Variants in ABL2 observed in about 807,000 individuals in gnomAD.
ABL2 encodes the protein tyrosine-protein kinase ABL2.
A neutral mutation model predicts 107.7 loss-of-function variants in ABL2; 49 were observed. The ratio of observed to expected loss-of-function variants is 0.45; its 90% CI spans 0.36 to 0.58. ABL2 has a LOEUF of 0.58. Among genes scored for constraint, ABL2 ranks in the 20% least tolerant of loss-of-function variants. ABL2 has a pLI of 0.00. For synonymous variants in ABL2, 549 were observed against 548.6 expected (o/e 1.00, Z -0.01); for missense variants, 1,245 against 1,457.0 (o/e 0.85, Z 2.37).
chr1:179,117,142 C>A, intron 8 of ABL2, 190 bp downstream of exon 8: 1 of 643,602 alleles, frequency 1.6e-6, no homozygotes, highest in Non-Finnish European at 2.6e-6. Context: ...GCCTATACTT[C>A]TGTTTATGCA....
rs529003428 is a variant in ABL2 at position 179,100,941 on chromosome 1, A to G, written c.*6777T>C. On this transcript the variant is annotated 3_prime_UTR_variant, in exon 12 of 12. Transcript: ENST00000502732. ...TTCAAAGTTAGAGATGTACATGGGGATGAAGAAGTAAGTGCACTTGGAGGG... is the reference window on the plus strand; with the variant it reads ...TTCAAAGTTAGAGATGTACATGGGGGTGAAGAAGTAAGTGCACTTGGAGGG... 8.6e-6 allele frequency: 2 copies of G among 232,740 alleles called. No individual in the cohort carries two copies. The highest frequency in any genetic ancestry group is 1.7e-5 in the Non-Finnish European group (2 of 117,702). The allele number at this position is 232,740 out of a possible 1,614,324, so 14.4% of individuals were successfully genotyped here.
intron 1 of ABL2, among the ~76,000 whole-genome samples, chr1:179,177,235 A>G (rs28914484): frequency 1.1e-4 from 16 of 152,328 alleles, no homozygotes; most frequent in Admixed American, 7.2e-4. Flanking sequence ...CAAGCCAACA[A>G]ACACTGTCAA....
At chr1:179,123,061 C>T (rs1655376301) in intron 4 of ABL2, among the ~76,000 whole-genome samples, 1 of 152,170 alleles carries the variant, frequency 6.6e-6, no homozygotes, top group Non-Finnish European at 1.5e-5. Flanking sequence ...GACTTGGCCT[C>T]TTGTAGAAAT....
At chr1:179,128,217 A>G (rs1448239296) in intron 3 of ABL2, among the ~76,000 whole-genome samples, 1 of 152,148 alleles carries the variant, frequency 6.6e-6, no homozygotes, top group Non-Finnish European at 1.5e-5. Context: ...AAAAAACACA[A>G]GAGTATATGT....
intron 1 of ABL2, among the ~76,000 whole-genome samples, chr1:179,219,867 A>G (rs530935569): frequency 6.6e-6 from 1 of 152,372 alleles, no homozygotes; most frequent in African/African-American, 2.4e-5. Context: ...TTAGGTTTAC[A>G]AAACATTTTC....
chr1:179,147,180 G>GAAA (rs759304566), intron 1 of ABL2, among the ~76,000 whole-genome samples: 6 of 5,830 alleles, frequency 1.0e-3, no homozygotes, highest in African/African-American at 5.4e-3. Flanking sequence ...TCAGAGAAAT[G>GAAA]CAAAAAAAAA....
chr1:179,125,692 G>A (rs542608885), intron 4 of ABL2, among the ~76,000 whole-genome samples: 2 of 152,302 alleles, frequency 1.3e-5, no homozygotes, highest in East Asian at 3.9e-4. Flanking sequence ...TTACAGACAG[G>A]GAAATTGAGA....
At chr1:179,193,763 G>A (rs774338213) in intron 1 of ABL2, among the ~76,000 whole-genome samples, 54 of 147,718 alleles carry the variant, frequency 3.7e-4, no homozygotes, top group Non-Finnish European at 4.8e-4. Flanking sequence ...ACGGAGTCTC[G>A]CTCTGTCGCC....
chr1:179,126,759 T>C lies in ABL2; in HGVS notation c.392-87A>G. ...AGTGTACTGTCAAACTTTAAACTCA[T>C]TAAAAAAAAAAAAGAATCTAGAACT... On this transcript the variant is annotated intron_variant, in intron 3 of 11. Transcript: ENST00000502732. The surrounding 1 kb of genome is among the most constrained non-coding windows in gnomAD (Gnocchi z 4.4). The C allele has an allele frequency of 1.6e-6, 2 of 1,228,652 alleles. No homozygotes were observed. Among genetic ancestry groups the C allele is most frequent in the South Asian group, 4.2e-5 (2 of 47,644 alleles). The allele number at this position is 1,228,652 out of a possible 1,614,324, so 76.1% of individuals were successfully genotyped here.
rs1313780854 is a variant in ABL2 at position 179,104,075 on chromosome 1, GGGA to G, written c.*3640_*3642del. 3.0e-5 allele frequency: 7 copies of G among 232,888 alleles called. No homozygotes were observed. The highest frequency in any genetic ancestry group is 1.5e-4 in the African/African-American group (7 of 45,406). 14.4% of individuals were successfully genotyped at this position (232,888 alleles called of 1,614,324 possible). Reference sequence around the variant, plus strand: ...GTTTTGTTTTGTTTTTTAACCCTAGGGGATTCTGCTGTGCATCCCTAGACTAGG... The same window carrying G: ...GTTTTGTTTTGTTTTTTAACCCTAGGTTCTGCTGTGCATCCCTAGACTAGG... On this transcript the variant is annotated 3_prime_UTR_variant, in exon 12 of 12. Coordinates refer to ENST00000502732, the MANE Select transcript of ABL2 (RefSeq NM_007314.4).
At position 179,229,661 on chromosome 1, in the gene ABL2, GCCGCCA is replaced by G; in HGVS notation, c.-270_-265del. 1 of 435,924 alleles carries G rather than the reference GCCGCCA, an allele frequency of 2.3e-6. No homozygotes were observed. The highest frequency in any genetic ancestry group is 4.0e-6 in the Non-Finnish European group (1 of 248,578). 27.0% of individuals were successfully genotyped at this position (435,924 alleles called of 1,614,324 possible). ...CGCCGCCGCCGCCGCCGCCACCGCCGCCGCCATCTTTAAACCACCGAGCGCTGGGAA... is the reference window on the plus strand; with the variant it reads ...CGCCGCCGCCGCCGCCGCCACCGCCGTCTTTAAACCACCGAGCGCTGGGAA... On this transcript the variant is annotated 5_prime_UTR_variant, in exon 1 of 12. It removes an upstream start codon present in the reference 5' UTR. Coordinates refer to ENST00000502732, the MANE Select transcript of ABL2 (RefSeq NM_007314.4).
chr1:179,203,872 C>G (rs1661809994), intron 1 of ABL2, among the ~76,000 whole-genome samples: 1 of 152,212 alleles, frequency 6.6e-6, no homozygotes, highest in African/African-American at 2.4e-5. Flanking sequence ...CTCTTTACTA[C>G]TTCCTTGGCT....
At chr1:179,152,158 G>A (rs1658402728) in intron 1 of ABL2, among the ~76,000 whole-genome samples, 1 of 152,158 alleles carries the variant, frequency 6.6e-6, no homozygotes. Flanking sequence ...CCAAATGTGT[G>A]TTCAACATTT....
At chr1:179,182,169 C>T (rs1403387359) in intron 1 of ABL2, among the ~76,000 whole-genome samples, 1 of 151,968 alleles carries the variant, frequency 6.6e-6, no homozygotes, top group Non-Finnish European at 1.5e-5. Context: ...GCTTAAGTTC[C>T]ATGGTCCATC....
Position 179,108,996 on chromosome 1 carries a change from G to A in ABL2, c.2271C>T (p.Ile757=). ...CTGCTCGTAAGCCCAGTGTCTTTTT[G>A]ATTAAGCGTGGTGTAAAGAAGCCTG... ...GITGFFTPRL[I]KKTLGLRAGK... is the part of the protein sequence containing the mutation. Residue 757 remains isoleucine, a synonymous_variant, in exon 12 of 12, where the codon ATC becomes ATT. Transcript: ENST00000502732. 1 of 1,614,056 alleles carries A rather than the reference G, an allele frequency of 6.2e-7. No homozygotes were observed. Among genetic ancestry groups the A allele is most frequent in the Non-Finnish European group, 8.5e-7 (1 of 1,180,020 alleles).
chr1:179,174,116 T>C (rs1216429658), intron 1 of ABL2, among the ~76,000 whole-genome samples: 4 of 151,970 alleles, frequency 2.6e-5, no homozygotes, highest in African/African-American at 9.7e-5. Context: ...GGTGAAACTC[T>C]GTCTCTACTA....
At chr1:179,211,252 TCACATCTGTTATCC>T (rs1662256293) in intron 1 of ABL2, among the ~76,000 whole-genome samples, 1 of 152,100 alleles carries the variant, frequency 6.6e-6, no homozygotes, top group Admixed American at 6.5e-5. Flanking sequence ...ACCTGCTGGC[TCACATCTGTTATCC>T]CAGCACTTTG....
At chr1:179,223,229 G>A (rs1341135316) in intron 1 of ABL2, among the ~76,000 whole-genome samples, 2 of 151,314 alleles carry the variant, frequency 1.3e-5, no homozygotes, top group East Asian at 1.9e-4. Flanking sequence ...GCCTGGCCCA[G>A]TACAGCAAGA....
chr1:179,153,937 A>G (rs1658525304), intron 1 of ABL2, among the ~76,000 whole-genome samples: 1 of 152,166 alleles, frequency 6.6e-6, no homozygotes, highest in African/African-American at 2.4e-5. Context: ...GTACATGTAC[A>G]TGTGTATGTT....
Sources: allele counts gnomAD v4.1 joint callset (sites outside exome capture counted in the v4.1 genomes callset), GRCh38; gene constraint gnomAD v4.1.1; non-coding constraint Gnocchi (gnomAD v3.1); transcripts MANE v1.5; gene names NCBI Gene and HGNC (gene_info 2026-07-23, HGNC 2026-07-21).